PABPC4L: variants seen among roughly 807,000 people sequenced by gnomAD.
The protein encoded by PABPC4L is polyadenylate-binding protein 4-like.
For missense variants in PABPC4L, 452 were observed against 451.4 expected (o/e 1.00, Z -0.01); for synonymous variants, 169 against 164.1 (o/e 1.03, Z -0.23).
the PABPC4L span, among the ~76,000 whole-genome samples, chr4:134,126,440 G>C: frequency 6.6e-6 from 1 of 151,984 alleles, no homozygotes; most frequent in Non-Finnish European, 1.5e-5. Flanking sequence ...TTATGTATCT[G>C]GATCTTTATC....
At chr4:134,108,310 T>A in the PABPC4L span, among the ~76,000 whole-genome samples, 1 of 151,844 alleles carries the variant, frequency 6.6e-6, no homozygotes, top group Non-Finnish European at 1.5e-5. Flanking sequence ...TACTTCTAAT[T>A]TTGTGTTGTA....
At chr4:133,993,548 T>A in the PABPC4L span, among the ~76,000 whole-genome samples, 1 of 152,212 alleles carries the variant, frequency 6.6e-6, no homozygotes, top group African/African-American at 2.4e-5. Flanking sequence ...TTCAGGGACA[T>A]GAGTAACATC....
At chr4:134,139,362 G>A in the PABPC4L span, among the ~76,000 whole-genome samples, 7 of 151,994 alleles carry the variant, frequency 4.6e-5, no homozygotes, top group East Asian at 9.7e-4. Context: ...AAGCATTGTT[G>A]CTGACTGCTA....
the PABPC4L span, among the ~76,000 whole-genome samples, chr4:134,050,771 A>G: frequency 6.6e-6 from 1 of 151,194 alleles, no homozygotes; most frequent in East Asian, 1.9e-4. Context: ...AAACATAAGT[A>G]CATAATAACA....
At chr4:134,187,259 C>G in the PABPC4L span, among the ~76,000 whole-genome samples, 1 of 151,922 alleles carries the variant, frequency 6.6e-6, no homozygotes, top group Non-Finnish European at 1.5e-5. Context: ...GTTATTGTGG[C>G]ACTATTCACA....
the PABPC4L span, among the ~76,000 whole-genome samples, chr4:134,131,714 C>CGAAAAA: frequency 9.4e-5 from 1 of 10,670 alleles, no homozygotes; most frequent in Non-Finnish European, 1.6e-4. Context: ...CCTGTGAAAC[C>CGAAAAA]AAAAAAAAAA....
At chr4:134,131,091 A>G in the PABPC4L span, among the ~76,000 whole-genome samples, 2 of 152,150 alleles carry the variant, frequency 1.3e-5, no homozygotes, top group African/African-American at 4.8e-5. Context: ...CATTATGTAG[A>G]ATAGGGAAAA....
chr4:134,141,830 C>T, the PABPC4L span, among the ~76,000 whole-genome samples: 3 of 151,552 alleles, frequency 2.0e-5, no homozygotes, highest in Non-Finnish European at 4.4e-5. Flanking sequence ...AATGCAGGCA[C>T]ATTCTGAAAC....
At chr4:134,111,035 AC>A in the PABPC4L span, among the ~76,000 whole-genome samples, 3 of 152,044 alleles carry the variant, frequency 2.0e-5, no homozygotes, top group Non-Finnish European at 2.9e-5. Flanking sequence ...TTTTTAAAGA[AC>A]AAAAATTTAT....
chr4:134,151,373 A>C, the PABPC4L span, among the ~76,000 whole-genome samples: 3,420 of 152,196 alleles, frequency 0.022, 130 homozygotes, highest in African/African-American at 0.078. Context: ...TTTTCTCAGC[A>C]CTTCATAAAT....
At chr4:134,022,472 G>C in the PABPC4L span, among the ~76,000 whole-genome samples, 2 of 151,960 alleles carry the variant, frequency 1.3e-5, no homozygotes, top group South Asian at 4.1e-4. Flanking sequence ...CCAGGACTGT[G>C]TAATGTAAAT....
the PABPC4L span, among the ~76,000 whole-genome samples, chr4:134,085,227 T>C: frequency 6.6e-6 from 1 of 152,222 alleles, no homozygotes; most frequent in African/African-American, 2.4e-5. Flanking sequence ...GCCTCCTGTC[T>C]CTATCACTGT....
chr4:133,962,157 C>G, the PABPC4L span, among the ~76,000 whole-genome samples: 4 of 152,210 alleles, frequency 2.6e-5, no homozygotes, highest in African/African-American at 9.7e-5. Context: ...GACCTTCCCT[C>G]TGACAGAGTT....
chr4:133,980,472 T>A, the PABPC4L span, among the ~76,000 whole-genome samples: 1 of 152,154 alleles, frequency 6.6e-6, no homozygotes, highest in African/African-American at 2.4e-5. Flanking sequence ...AGTATAAGCT[T>A]GAGTCTAGAA....
At chr4:134,114,243 A>AAAATGTG in the PABPC4L span, among the ~76,000 whole-genome samples, 5 of 151,758 alleles carry the variant, frequency 3.3e-5, no homozygotes, top group Non-Finnish European at 7.4e-5. Context: ...CACAGGTAAA[A>AAAATGTG]AAATGTGAAA....
the PABPC4L span, among the ~76,000 whole-genome samples, chr4:134,085,824 T>G: frequency 1.3e-5 from 2 of 152,206 alleles, no homozygotes; most frequent in African/African-American, 4.8e-5. Flanking sequence ...ATATGTGTTC[T>G]TTTCAGTTTG....
the PABPC4L span, among the ~76,000 whole-genome samples, chr4:134,117,644 T>C: frequency 3.3e-5 from 5 of 151,682 alleles, no homozygotes; most frequent in African/African-American, 9.7e-5. Flanking sequence ...AAACACTGAG[T>C]TGATGTCAGT....
In PABPC4L at chr4:134,200,087, G is replaced by A; in HGVS notation, c.933C>T (p.Asn311=). 6.4e-7 allele frequency: 1 copy of A among 1,551,580 alleles called. No homozygotes were observed. The highest frequency in any genetic ancestry group is 1.4e-5 in the African/African-American group (1 of 73,132). ...TAATTGATCCAAATGAAGAAAATTC[G>A]TTTCGTAGTTTTTCATCATCGATGG... ...DDTIDDEKLR[N]EFSSFGSISR... Residue 311 remains asparagine (N), a synonymous_variant, in exon 2 of 2, where the codon AAC becomes AAT. Transcript: ENST00000421491.
At chr4:134,023,223 A>C in the PABPC4L span, among the ~76,000 whole-genome samples, 1 of 152,202 alleles carries the variant, frequency 6.6e-6, no homozygotes, top group Non-Finnish European at 1.5e-5. Flanking sequence ...ACACTGAGGC[A>C]TGAGGAATGG....
Sources: allele counts gnomAD v4.1 joint callset (sites outside exome capture counted in the v4.1 genomes callset), GRCh38; gene constraint gnomAD v4.1.1; transcripts MANE v1.5; gene names NCBI Gene and HGNC (gene_info 2026-07-23, HGNC 2026-07-21).